The following SPATA6 variants were observed in gnomAD, a reference collection of about 807,000 sequenced individuals.
The protein encoded by SPATA6 is spermatogenesis associated 6.
A neutral mutation model predicts 65.3 loss-of-function variants in SPATA6; 56 were observed. The ratio of observed to expected loss-of-function variants is 0.86; its 90% CI spans 0.69 to 1.07. The LOEUF is 1.07. SPATA6 is among the 50% of genes least tolerant of loss of function. SPATA6 has a pLI of 0.00. For synonymous variants in SPATA6, 199 were observed against 213.2 expected, an observed-to-expected ratio of 0.93 and a Z score of 0.58; for missense variants, 590 against 594.8, an observed-to-expected ratio of 0.99 and a Z score of 0.08.
At chr1:48,415,099 T>C (rs1570499177) in intron 3 of SPATA6, among the ~76,000 whole-genome samples, 1 of 152,218 alleles carries the variant, frequency 6.6e-6, no homozygotes. Flanking sequence ...AAAGGTGCCA[T>C]AGTAAACTAT....
At position 48,397,696 on chromosome 1, in the gene SPATA6, A is replaced by T. The variant is rs954866588; in HGVS notation, c.780+1655T>A. 2.6e-5 allele frequency among the ~76,000 whole-genome samples: 4 copies of T among 151,578 alleles called. No individual in the cohort carries two copies. In the South Asian group the frequency reaches 6.2e-4, roughly 24 times the overall value. ...CTAAAACCATGAATGGCTATGGAGG[A>T]AAAAAAATCTCTATGTTTACAAACA... is the stretch of plus-strand genomic sequence containing the variant. On this transcript the variant is annotated intron_variant, in intron 7 of 12. Transcript: ENST00000371847.
At chr1:48,314,093 G>A (rs979099358) in intron 11 of SPATA6, among the ~76,000 whole-genome samples, 1 of 152,082 alleles carries the variant, frequency 6.6e-6, no homozygotes, top group African/African-American at 2.4e-5. Context: ...ATAATAATGG[G>A]AGACTTTGAC....
chr1:48,409,208 C>G (rs1247151930), intron 5 of SPATA6, among the ~76,000 whole-genome samples: 1 of 152,140 alleles, frequency 6.6e-6, no homozygotes, highest in African/African-American at 2.4e-5. Context: ...AGAAATTGAC[C>G]AAAACAAAGG....
intron 5 of SPATA6, 22 bp downstream of exon 5, chr1:48,411,442 T>G: frequency 6.3e-7 from 1 of 1,595,190 alleles, no homozygotes; most frequent in Non-Finnish European, 8.5e-7. Context: ...AAAAACTGAT[T>G]CAGAAAATTG....
At chr1:48,436,222 G>T in intron 3 of SPATA6, 1 of 1,613,258 alleles carries the variant, frequency 6.2e-7, no homozygotes, top group South Asian at 1.1e-5. Context: ...GGGAACACTG[G>T]TAACTATAAA....
chr1:48,467,195 A>G (rs1005120237), intron 1 of SPATA6, among the ~76,000 whole-genome samples: 1 of 152,160 alleles, frequency 6.6e-6, no homozygotes, highest in Non-Finnish European at 1.5e-5. Flanking sequence ...TCTGTTGGGC[A>G]ACATAAAATG....
At chr1:48,425,878 A>G (rs902861435) in intron 3 of SPATA6, among the ~76,000 whole-genome samples, 2 of 152,132 alleles carry the variant, frequency 1.3e-5, no homozygotes, top group Admixed American at 6.6e-5. Flanking sequence ...ATGTAGAATG[A>G]TATTTTCATA....
At chr1:48,292,860 A>C (rs1181468845), downstream of SPATA6, among the ~76,000 whole-genome samples, 1 of 152,244 alleles carries the variant, frequency 6.6e-6, no homozygotes, top group African/African-American at 2.4e-5. Context: ...GCAGGCATGC[A>C]TGCAGTGACT....
chr1:48,464,257 C>T (rs1206141945), intron 1 of SPATA6, among the ~76,000 whole-genome samples: 1 of 151,832 alleles, frequency 6.6e-6, no homozygotes, highest in African/African-American at 2.4e-5. Context: ...CTTTGTTATC[C>T]CTAACATTAA....
At chr1:48,307,019 T>A in intron 11 of SPATA6, among the ~76,000 whole-genome samples, 1 of 151,878 alleles carries the variant, frequency 6.6e-6, no homozygotes, top group East Asian at 1.9e-4. Flanking sequence ...TTCCTTACTA[T>A]TAGATCTTTT....
downstream of SPATA6, among the ~76,000 whole-genome samples, chr1:48,291,462 A>T (rs1454170322): frequency 6.6e-6 from 1 of 152,090 alleles, no homozygotes. Context: ...TCCCAGGAGG[A>T]ATATGGCTAT....
rs542485463 is a variant in SPATA6 at position 48,328,716 on chromosome 1, A to C, written c.1195-22838T>G. Among the ~76,000 whole-genome samples the C allele has an allele frequency of 2.6e-5, 4 of 152,324 alleles. No individual in the cohort carries two copies. The South Asian group carries it at 8.3e-4, about 32-fold the overall frequency. On this transcript the variant is annotated intron_variant, in intron 11 of 12. Transcript: ENST00000371847. ...TTTTTGAGTATAGTAAAAGCCATTG[A>C]ACTGTGTACTTAAAATGTGTGAATT...
intron 11 of SPATA6, among the ~76,000 whole-genome samples, chr1:48,308,035 C>A (rs975217197): frequency 6.6e-5 from 10 of 151,894 alleles, no homozygotes; most frequent in Admixed American, 1.3e-4. Context: ...TTTATCCAGT[C>A]TCCAAAATTC....
chr1:48,386,533 A>G (rs568857501), intron 8 of SPATA6, among the ~76,000 whole-genome samples: 2 of 152,242 alleles, frequency 1.3e-5, no homozygotes, highest in Non-Finnish European at 2.9e-5. Context: ...TGGAATTCAA[A>G]AGGAAATTGG....
intron 11 of SPATA6, among the ~76,000 whole-genome samples, chr1:48,307,249 G>A (rs2148657484): frequency 6.6e-6 from 1 of 151,084 alleles, no homozygotes; most frequent in African/African-American, 2.4e-5. Context: ...CTAGATCAAG[G>A]ATATCATATA....
chr1:48,365,962 C>T (rs143161382), intron 9 of SPATA6, among the ~76,000 whole-genome samples: 111 of 152,232 alleles, frequency 7.3e-4, no homozygotes, highest in Non-Finnish European at 1.0e-3. Context: ...TTTTAAGATA[C>T]GTCCCATCAA....
At chr1:48,428,779 G>GTA (rs1654088365) in intron 3 of SPATA6, among the ~76,000 whole-genome samples, 3 of 72,952 alleles carry the variant, frequency 4.1e-5, no homozygotes, top group Admixed American at 3.8e-4. Context: ...GTATATATGT[G>GTA]TGTGTGTGTG....
intron 11 of SPATA6, among the ~76,000 whole-genome samples, chr1:48,343,193 C>A (rs1396899201): frequency 1.3e-5 from 2 of 152,056 alleles, no homozygotes; most frequent in African/African-American, 2.4e-5. Context: ...ATGTGGCCTA[C>A]TAGGGCCACA....
chr1:48,266,137 G>C, the SPATA6 span, among the ~76,000 whole-genome samples: 1 of 152,160 alleles, frequency 6.6e-6, no homozygotes, highest in African/African-American at 2.4e-5. Context: ...GACAGAGTAA[G>C]AGCAGAGAAA....
Sources: gnomAD v4.1 joint callset for allele counts (sites outside exome capture counted in the v4.1 genomes callset) on GRCh38, gnomAD v4.1.1 for gene constraint, MANE v1.5 for transcripts, NCBI Gene and HGNC (gene_info 2026-07-23, HGNC 2026-07-21) for gene names.